Variants in WDR47 observed in about 807,000 individuals in gnomAD.
WDR47 encodes WD repeat domain 47.
In WDR47, 32 loss-of-function variants were observed where a neutral mutation model predicts 97.2. The observed-to-expected ratio is 0.33, with a 90% CI of 0.25 to 0.44. WDR47 has a LOEUF of 0.44. WDR47 is among the 20% of genes least tolerant of loss of function. WDR47 has a pLI of 1.00. For synonymous variants in WDR47, 375 were observed against 373.5 expected (o/e 1.00, Z -0.05); for missense variants, 782 against 1,102.3 (o/e 0.71, Z 4.11).
At chr1:108,987,278 G>A (rs1189134529) in intron 9 of WDR47, 1 of 159,380 alleles carries the variant, frequency 6.3e-6, no homozygotes, top group African/African-American at 2.4e-5. Flanking sequence ...TTCTTTTAAA[G>A]TGCAGCATTA....
intron 7 of WDR47, among the ~76,000 whole-genome samples, chr1:108,998,739 T>C (rs1189396369): frequency 6.6e-6 from 1 of 152,188 alleles, no homozygotes; most frequent in Non-Finnish European, 1.5e-5. Context: ...TTCTCTTCTG[T>C]CTATGCCCCT....
At position 109,000,719 on chromosome 1, in the gene WDR47, C is replaced by G. The variant is rs1174720744; in HGVS notation, c.1433+1505G>C. On this transcript the variant is annotated intron_variant, in intron 7 of 14. Coordinates refer to ENST00000369962, the MANE Select transcript of WDR47 (RefSeq NM_001142551.2). Reference sequence around the variant, plus strand: ...CAAACAAAAAACAAAACAAAAAAAACCACTCCCTTTGTGAAGGTTTGAAGA... The same window carrying G: ...CAAACAAAAAACAAAACAAAAAAAAGCACTCCCTTTGTGAAGGTTTGAAGA... 2.0e-5 allele frequency among the ~76,000 whole-genome samples: 3 copies of G among 151,778 alleles called. 1 individual carries two copies. In the South Asian group the frequency reaches 6.3e-4, roughly 32 times the overall value.
intron 5 of WDR47, among the ~76,000 whole-genome samples, chr1:109,009,724 G>A (rs550442243): frequency 1.3e-5 from 2 of 152,182 alleles, no homozygotes; most frequent in South Asian, 2.1e-4. Context: ...ATAGCCAGGC[G>A]CAATGGCTCA....
At chr1:109,033,405 A>G (rs1662732772) in intron 1 of WDR47, among the ~76,000 whole-genome samples, 1 of 152,220 alleles carries the variant, frequency 6.6e-6, no homozygotes, top group South Asian at 2.1e-4. Flanking sequence ...AGCAAAAAAT[A>G]TAGACAATTC....
At chr1:109,019,382 CAAA>C (rs543984146) in intron 2 of WDR47, among the ~76,000 whole-genome samples, 5 of 61,482 alleles carry the variant, frequency 8.1e-5, no homozygotes, top group Admixed American at 1.8e-4. Flanking sequence ...GACTCTGTCT[CAAA>C]AAAAAAAAAA....
At position 108,992,415 on chromosome 1, in the gene WDR47, C is replaced by A. The variant is rs150119809; in HGVS notation, c.1692-1086G>T. On this transcript the variant is annotated intron_variant, in intron 8 of 14. Coordinates refer to ENST00000369962, the MANE Select transcript of WDR47 (RefSeq NM_001142551.2). ...AAGGGTATGCATATACGAAAAGCCA[C>A]GAAGTATCTGAAAGATGTCACTTTA... 8.9e-3 allele frequency: 14,321 copies of A among 1,604,102 alleles called. 97 individuals are homozygous for A. Among genetic ancestry groups the A allele is most frequent in the Middle Eastern group, 0.011 (52 of 4,564 alleles).
At chr1:108,979,376 AG>A (rs1658168622) in intron 13 of WDR47, among the ~76,000 whole-genome samples, 1 of 152,220 alleles carries the variant, frequency 6.6e-6, no homozygotes, top group Non-Finnish European at 1.5e-5. Flanking sequence ...AAAGATGCAG[AG>A]GGGCTGGGCA....
In WDR47 at chr1:108,970,561, T is replaced by C. The variant is rs1391169126; in HGVS notation, c.*869A>G. Reference sequence around the variant, plus strand: ...TCCATTTTAAATTATCATGCAGACATAGCATTTCAAGCCATGCTATGGTCT... The same window carrying C: ...TCCATTTTAAATTATCATGCAGACACAGCATTTCAAGCCATGCTATGGTCT... On this transcript the variant is annotated 3_prime_UTR_variant, in exon 15 of 15. Transcript: ENST00000369962. The C allele has an allele frequency of 2.0e-5, 3 of 152,640 alleles. No homozygotes were observed. The highest frequency in any genetic ancestry group is 7.2e-5 in the African/African-American group (3 of 41,452). The allele number at this position is 152,640 out of a possible 1,614,324, so 9.5% of individuals were successfully genotyped here.
At chr1:109,001,510 A>G (rs1228386057) in intron 7 of WDR47, among the ~76,000 whole-genome samples, 1 of 152,230 alleles carries the variant, frequency 6.6e-6, no homozygotes, top group Non-Finnish European at 1.5e-5. Context: ...TAGTGTTTAC[A>G]GTGTGCCAGG....
chr1:108,991,366 G>C, intron 8 of WDR47, 37 bp from the exon 9 acceptor site: 1 of 1,553,232 alleles, frequency 6.4e-7, no homozygotes, highest in Non-Finnish European at 8.8e-7. Flanking sequence ...TTTACTCCAT[G>C]TATCAAAATA....
chr1:109,023,560 T>C (rs1662000078), intron 1 of WDR47, 39 bp from the exon 2 acceptor site: 3 of 1,574,430 alleles, frequency 1.9e-6, no homozygotes, highest in Non-Finnish European at 1.7e-6. Flanking sequence ...CTAGTCCTAT[T>C]GATTTATTTC....
Position 109,011,592 on chromosome 1 carries a change from A to C in WDR47, c.454T>G (p.Phe152Val). The C allele has an allele frequency of 6.2e-7, 1 of 1,614,126 alleles. No homozygotes were observed. Among genetic ancestry groups the C allele is most frequent in the Non-Finnish European group, 8.5e-7 (1 of 1,180,034 alleles). ...GCGGTGCTGGGATTCCAGTCCTTAAACTCGGCATGATTGGTCAGACGAGGC... is the reference window on the plus strand; with the variant it reads ...GCGGTGCTGGGATTCCAGTCCTTAACCTCGGCATGATTGGTCAGACGAGGC... ...TLPRLTNHAEFKDWNPSTARV... is the reference protein window; with the variant it reads ...TLPRLTNHAEVKDWNPSTARV... Residue 152 changes from phenylalanine to valine, a missense_variant, in exon 5 of 15, where the codon TTT becomes GTT. Around this residue, in one of 3 missense-constraint regions of WDR47, gnomAD observed 428 missense variants for 584.3 expected, o/e 0.73. Transcript: ENST00000369962.
intron 13 of WDR47, among the ~76,000 whole-genome samples, chr1:108,974,981 C>T (rs1272695386): frequency 1.3e-5 from 2 of 152,086 alleles, no homozygotes; most frequent in African/African-American, 4.8e-5. Context: ...CATTTTTTGT[C>T]ATTTGAGAGA....
intron 1 of WDR47, among the ~76,000 whole-genome samples, chr1:109,036,414 A>G (rs968743804): frequency 6.6e-6 from 1 of 151,940 alleles, no homozygotes; most frequent in Non-Finnish European, 1.5e-5. Context: ...TCTACTAAAA[A>G]TACAAAAATT....
In WDR47 at chr1:108,970,526, G is replaced by C. The variant is rs1270730430; in HGVS notation, c.*904C>G. 6.6e-6 allele frequency: 1 copy of C among 152,546 alleles called. No homozygotes were observed. Among genetic ancestry groups the C allele is most frequent in the African/African-American group, 2.4e-5 (1 of 41,430 alleles). 9.4% of individuals were successfully genotyped at this position (152,546 alleles called of 1,614,324 possible). A position where few individuals can be genotyped will look rare whatever the true frequency, so the allele number is the denominator to read the frequency against. On this transcript the variant is annotated 3_prime_UTR_variant, in exon 15 of 15. Coordinates refer to ENST00000369962, the MANE Select transcript of WDR47 (RefSeq NM_001142551.2). ...TCCAAATAAGCTTTTGGAGTGCAAA[G>C]TTTAAATCTTCCATTTTAAATTATC...
At chr1:108,983,557 A>G (rs1393969795) in intron 10 of WDR47, 106 bp from the exon 11 acceptor site, 1 of 932,912 alleles carries the variant, frequency 1.1e-6, no homozygotes, top group Non-Finnish European at 1.5e-6. Context: ...AAAGCGTGTC[A>G]GACAACAGCT....
chr1:108,998,692 T>G (rs371873064), intron 7 of WDR47, among the ~76,000 whole-genome samples: 109 of 152,194 alleles, frequency 7.2e-4, no homozygotes, highest in African/African-American at 2.5e-3. Flanking sequence ...ATGCTATAAT[T>G]TTTTTCAATA....
At chr1:109,025,928 C>A (rs945433837) in intron 1 of WDR47, among the ~76,000 whole-genome samples, 1 of 152,124 alleles carries the variant, frequency 6.6e-6, no homozygotes, top group Admixed American at 6.6e-5. Flanking sequence ...CACCAGCTAC[C>A]CAACTCCGCA....
At chr1:109,039,254 CTTT>C in intron 1 of WDR47, among the ~76,000 whole-genome samples, 1 of 146,204 alleles carries the variant, frequency 6.8e-6, no homozygotes, top group African/African-American at 2.5e-5. Flanking sequence ...GGTATAAATC[CTTT>C]TTTTTTTTCT....
Sources: gnomAD v4.1 joint callset for allele counts (sites outside exome capture counted in the v4.1 genomes callset) on GRCh38, gnomAD v4.1.1 for gene constraint, gnomAD v4.1.1 regional missense constraint, MANE v1.5 for transcripts, NCBI Gene and HGNC (gene_info 2026-07-23, HGNC 2026-07-21) for gene names.